The following UBE4B variants were observed in gnomAD, a reference collection of about 807,000 sequenced individuals.
UBE4B encodes ubiquitination factor E4B.
UBE4B carries 27 observed loss-of-function variants against 148.1 expected under a neutral mutation model. That is an observed-to-expected ratio of 0.18 (90% CI 0.13 to 0.25). UBE4B has a LOEUF of 0.25. UBE4B is among the 10% of genes least tolerant of loss of function. The probability of loss-of-function intolerance (pLI) is 1.00; values close to 1 mark genes in which losing one functional copy is unlikely to be tolerated. For missense variants in UBE4B, 1,170 were observed against 1,662.4 expected (o/e 0.70, Z 5.15); for synonymous variants, 596 against 619.3 (o/e 0.96, Z 0.56).
At chr1:10,084,703 T>TC (rs1644736181) in intron 2 of UBE4B, among the ~76,000 whole-genome samples, 2 of 151,510 alleles carry the variant, frequency 1.3e-5, no homozygotes, top group South Asian at 4.2e-4. Context: ...TTCTTTTTTT[T>TC]CTTTTTTTTT....
chr1:10,106,606 G>A lies in UBE4B; in HGVS notation c.1196+23G>A. ...TAGGTATTTATCCCACAGGAGAGTTGCATGTGTGTTTGCGGTGCAGGGAAA... is the reference window on the plus strand; with the variant it reads ...TAGGTATTTATCCCACAGGAGAGTTACATGTGTGTTTGCGGTGCAGGGAAA... On this transcript the variant is annotated intron_variant, in intron 7 of 27. Coordinates refer to ENST00000343090, the MANE Select transcript of UBE4B (RefSeq NM_001105562.3). The surrounding 1 kb of genome is among the most constrained non-coding windows in gnomAD (Gnocchi z 4.2). 6.6e-7 allele frequency: 1 copy of A among 1,510,488 alleles called. No homozygotes were observed. Among genetic ancestry groups the A allele is most frequent in the Non-Finnish European group, 8.8e-7 (1 of 1,137,524 alleles). 93.6% of individuals were successfully genotyped at this position (1,510,488 alleles called of 1,614,324 possible).
intron 7 of UBE4B, chr1:10,107,480 C>G (rs1281397676): frequency 4.2e-6 from 5 of 1,178,434 alleles, no homozygotes; most frequent in Non-Finnish European, 5.4e-6. Flanking sequence ...AGGATAGGGT[C>G]AAATGAGGTG....
intron 10 of UBE4B, among the ~76,000 whole-genome samples, chr1:10,122,387 G>A (rs750107862): frequency 4.3e-4 from 66 of 152,148 alleles, no homozygotes; most frequent in Non-Finnish European, 4.4e-4. Context: ...AATACCCAGA[G>A]ACGGCATAAG....
chr1:10,044,422 C>T (rs1411677003), intron 1 of UBE4B, among the ~76,000 whole-genome samples: 1 of 151,980 alleles, frequency 6.6e-6, no homozygotes, highest in Non-Finnish European at 1.5e-5. Flanking sequence ...CTTTTTGGCA[C>T]CAGGGACTGG....
chr1:10,146,562 T>C (rs141368455), intron 18 of UBE4B, among the ~76,000 whole-genome samples: 2,620 of 152,284 alleles, frequency 0.017, 35 homozygotes, highest in Non-Finnish European at 0.027. Context: ...CCATCCTTAG[T>C]GGCCAGCATT....
intron 15 of UBE4B, among the ~76,000 whole-genome samples, chr1:10,132,786 C>T (rs1262879859): frequency 6.6e-6 from 1 of 152,120 alleles, no homozygotes; most frequent in Non-Finnish European, 1.5e-5. Flanking sequence ...AAAGGCCTCC[C>T]TGAGGAGGTG....
At chr1:10,132,719 G>GA (rs1298097425) in intron 15 of UBE4B, among the ~76,000 whole-genome samples, 1 of 152,212 alleles carries the variant, frequency 6.6e-6, no homozygotes, top group African/African-American at 2.4e-5. Context: ...AATGACATGA[G>GA]AAGAACTGTA....
At chr1:10,090,074 G>A (rs1471410064) in intron 2 of UBE4B, among the ~76,000 whole-genome samples, 1 of 151,660 alleles carries the variant, frequency 6.6e-6, no homozygotes, top group Non-Finnish European at 1.5e-5. Context: ...AGCAGTCTGG[G>A]GTAAAGGAAT....
rs866841780 is a variant in UBE4B at position 10,072,133 on chromosome 1, G to T, written c.130G>T (p.Ala44Ser). Reference sequence around the variant, plus strand: ...GAACCCTCCGGGGCCTCCCATAGCGGCATCAGCCCCAGGACCCTCTCAGAG... The same window carrying T: ...GAACCCTCCGGGGCCTCCCATAGCGTCATCAGCCCCAGGACCCTCTCAGAG... ...RENPPGPPIA[A>S]SAPGPSQSLG... is the part of the protein sequence containing the mutation. Residue 44 changes from alanine (A) to serine (S), a missense_variant, in exon 2 of 28, where the codon GCA becomes TCA. This residue lies in a region of UBE4B where 127 missense variants were observed against 153.2 expected (regional missense o/e 0.83). Coordinates refer to ENST00000343090, the MANE Select transcript of UBE4B (RefSeq NM_001105562.3). 1.2e-6 allele frequency: 2 copies of T among 1,613,324 alleles called. No individual in the cohort carries two copies. The highest frequency in any genetic ancestry group is 3.3e-5 in the Admixed American group (2 of 59,850).
At chr1:10,105,865 T>C in intron 6 of UBE4B, 121 bp downstream of exon 6, 1 of 1,067,448 alleles carries the variant, frequency 9.4e-7, no homozygotes, top group Middle Eastern at 2.8e-4. Context: ...TATATCATAT[T>C]TGGGGAGGTG....
chr1:10,098,079 C>A (rs1644957020), intron 3 of UBE4B, among the ~76,000 whole-genome samples: 1 of 152,032 alleles, frequency 6.6e-6, no homozygotes, highest in African/African-American at 2.4e-5. Flanking sequence ...CCATATTGGC[C>A]AGGCTGGCCT....
chr1:10,150,280 A>G (rs2101985599), intron 20 of UBE4B, among the ~76,000 whole-genome samples: 1 of 152,328 alleles, frequency 6.6e-6, no homozygotes, highest in African/African-American at 2.4e-5. Context: ...AAAGTGACTC[A>G]AAAACGTGGT....
intron 1 of UBE4B, among the ~76,000 whole-genome samples, chr1:10,045,703 G>A (rs867682018): frequency 6.6e-6 from 1 of 152,180 alleles, no homozygotes; most frequent in African/African-American, 2.4e-5. Context: ...GGCGGCCATC[G>A]AAGGAGTCCC....
intron 1 of UBE4B, among the ~76,000 whole-genome samples, chr1:10,034,910 T>G (rs985420744): frequency 6.6e-6 from 1 of 152,206 alleles, no homozygotes; most frequent in African/African-American, 2.4e-5. Flanking sequence ...ACAGCAGAAA[T>G]GTAATCTTAA....
chr1:10,177,023 A>G lies in UBE4B; in HGVS notation c.3526-1621A>G, dbSNP rs186516224. The stretch of plus-strand genomic sequence containing the variant: ...AGGATGGTCTCGATCTCCTGACCTC[A>G]TGATCTGCCTGCCTTGGCCTCCCAA... On this transcript the variant is annotated intron_variant, in intron 25 of 27. Transcript: ENST00000343090. 4.5e-3 allele frequency among the ~76,000 whole-genome samples: 674 copies of G among 150,462 alleles called. 5 individuals are homozygous for G. Among genetic ancestry groups the G allele is most frequent in the African/African-American group, 0.015 (636 of 41,278 alleles).
At chr1:10,104,483 C>T (rs1227764883) in intron 5 of UBE4B, among the ~76,000 whole-genome samples, 1 of 152,010 alleles carries the variant, frequency 6.6e-6, no homozygotes, top group Non-Finnish European at 1.5e-5. Flanking sequence ...AATAGTCCCT[C>T]AATAGATAGA....
At chr1:10,098,326 G>T (rs1644960867) in intron 3 of UBE4B, among the ~76,000 whole-genome samples, 1 of 152,122 alleles carries the variant, frequency 6.6e-6, no homozygotes, top group African/African-American at 2.4e-5. Flanking sequence ...GTTGGTAGCT[G>T]CAAGAGTTTG....
At chr1:10,099,475 T>C (rs901723745) in intron 3 of UBE4B, among the ~76,000 whole-genome samples, 7 of 152,144 alleles carry the variant, frequency 4.6e-5, no homozygotes, top group African/African-American at 1.7e-4. Context: ...TTACTAAAGC[T>C]TATTGATAGA....
intron 1 of UBE4B, among the ~76,000 whole-genome samples, chr1:10,042,036 G>A (rs1643789263): frequency 6.6e-6 from 1 of 152,182 alleles, no homozygotes; most frequent in Non-Finnish European, 1.5e-5. Context: ...CTGAATTCAA[G>A]CGATTCTCCT....
Sources: allele counts gnomAD v4.1 joint callset (sites outside exome capture counted in the v4.1 genomes callset), GRCh38; gene constraint gnomAD v4.1.1; regional missense constraint gnomAD v4.1.1; non-coding constraint Gnocchi (gnomAD v3.1); transcripts MANE v1.5; gene names NCBI Gene and HGNC (gene_info 2026-07-23, HGNC 2026-07-21).